ASIC2: variants seen among roughly 807,000 people sequenced by gnomAD.
The protein encoded by ASIC2 is acid-sensing ion channel 2.
In ASIC2, 25 loss-of-function variants were observed where a neutral mutation model predicts 57.3. The ratio of observed to expected loss-of-function variants is 0.44; its 90% CI spans 0.32 to 0.61. The LOEUF (loss-of-function observed/expected upper bound fraction) is 0.61. Among genes scored for constraint, ASIC2 ranks in the 20% least tolerant of loss-of-function variants. ASIC2 has a pLI of 0.06. For missense variants in ASIC2, 641 were observed against 738.1 expected (o/e 0.87, Z 1.52); for synonymous variants, 319 against 307.5 (o/e 1.04, Z -0.39).
chr17:33,393,712 C>T (rs967244786), intron 1 of ASIC2, among the ~76,000 whole-genome samples: 4 of 152,106 alleles, frequency 2.6e-5, no homozygotes, highest in African/African-American at 9.7e-5. Context: ...TTATGGCATC[C>T]TAAGATTCAG....
chr17:34,143,586 AG>A (rs1912331138), intron 1 of ASIC2, among the ~76,000 whole-genome samples: 1 of 152,176 alleles, frequency 6.6e-6, no homozygotes, highest in South Asian at 2.1e-4. Flanking sequence ...ATGCAGCACA[AG>A]GCTCTCAGCA....
At chr17:34,038,974 G>C in intron 1 of ASIC2, 1 of 1,614,072 alleles carries the variant, frequency 6.2e-7, no homozygotes, top group Non-Finnish European at 8.5e-7. Context: ...GTCGGACGTA[G>C]TAAAGTAGCC....
intron 1 of ASIC2, among the ~76,000 whole-genome samples, chr17:33,247,569 G>A (rs2142127569): frequency 6.6e-6 from 1 of 152,326 alleles, no homozygotes; most frequent in Admixed American, 6.5e-5. Context: ...CAGAGACAAT[G>A]GACAAAGAGA....
chr17:33,815,544 C>T (rs1456534770), intron 1 of ASIC2, among the ~76,000 whole-genome samples: 1 of 152,176 alleles, frequency 6.6e-6, no homozygotes, highest in Non-Finnish European at 1.5e-5. Context: ...ATTCCTCTTA[C>T]CAAACTGACA....
chr17:33,666,301 G>A (rs969813980), intron 1 of ASIC2, among the ~76,000 whole-genome samples: 7 of 152,138 alleles, frequency 4.6e-5, no homozygotes, highest in Non-Finnish European at 7.4e-5. Flanking sequence ...TGGCAGAAAA[G>A]GAAACGTTAA....
intron 1 of ASIC2, among the ~76,000 whole-genome samples, chr17:33,429,296 A>T (rs1911322578): frequency 6.6e-6 from 1 of 152,200 alleles, no homozygotes; most frequent in Non-Finnish European, 1.5e-5. Flanking sequence ...AAGAGATAAG[A>T]TAAGACTATG....
chr17:33,240,405 A>T (rs1425026181), intron 1 of ASIC2, among the ~76,000 whole-genome samples: 1 of 152,154 alleles, frequency 6.6e-6, no homozygotes, highest in Non-Finnish European at 1.5e-5. Flanking sequence ...CAGACCCTCC[A>T]GCCAGTGGCT....
intron 1 of ASIC2, among the ~76,000 whole-genome samples, chr17:33,556,722 T>G (rs562713881): frequency 7.2e-5 from 11 of 152,306 alleles, no homozygotes; most frequent in Admixed American, 2.6e-4. Context: ...TGGAGGTATA[T>G]GTATTAGTGT....
At chr17:33,152,486 A>G (rs1039539623) in intron 1 of ASIC2, among the ~76,000 whole-genome samples, 1 of 152,234 alleles carries the variant, frequency 6.6e-6, no homozygotes, top group Non-Finnish European at 1.5e-5. Flanking sequence ...CAGCAAAACA[A>G]AGCAACAGGA....
chr17:34,039,487 T>C (rs910723039), intron 1 of ASIC2: 37 of 1,613,704 alleles, frequency 2.3e-5, no homozygotes, highest in Admixed American at 8.3e-5. Flanking sequence ...ATCTAAACCA[T>C]AGAGGGGCTG....
At chr17:33,751,176 C>T (rs1327885876) in intron 1 of ASIC2, among the ~76,000 whole-genome samples, 1 of 152,126 alleles carries the variant, frequency 6.6e-6, no homozygotes, top group East Asian at 1.9e-4. Flanking sequence ...GGGCTGCAGT[C>T]GGGATTGTGT....
intron 1 of ASIC2, among the ~76,000 whole-genome samples, chr17:33,208,017 C>G (rs1171680482): frequency 6.6e-6 from 1 of 152,174 alleles, no homozygotes; most frequent in Non-Finnish European, 1.5e-5. Flanking sequence ...GAGTCTGCTT[C>G]TAGAGGAGCC....
At chr17:33,113,006 A>T (rs1405755452) in intron 1 of ASIC2, among the ~76,000 whole-genome samples, 1 of 152,130 alleles carries the variant, frequency 6.6e-6, no homozygotes, top group Admixed American at 6.5e-5. Context: ...CATCCACTGG[A>T]AGGTAGACTC....
rs562593178 is a variant in ASIC2, at chr17:33,704,160, A to G, written c.555+451818T>C. ...CCATACAGTCAACACAATAAGCCTC[A>G]GCATTAGCATTGTAATTGGACTTTC... On this transcript the variant is annotated intron_variant, in intron 1 of 9. Transcript: ENST00000359872. Among the ~76,000 whole-genome samples, 51 of 152,342 alleles carry G rather than the reference A, an allele frequency of 3.3e-4. No individual in the cohort carries two copies. In the South Asian group the frequency reaches 5.4e-3, roughly 16 times the overall value.
chr17:33,836,679 G>A (rs928979647), intron 1 of ASIC2, among the ~76,000 whole-genome samples: 3 of 151,784 alleles, frequency 2.0e-5, no homozygotes, highest in Non-Finnish European at 4.4e-5. Flanking sequence ...ATGGTGAAAC[G>A]CTGTCTCTAC....
intron 1 of ASIC2, among the ~76,000 whole-genome samples, chr17:33,219,804 C>T (rs750423157): frequency 5.3e-5 from 8 of 152,146 alleles, no homozygotes; most frequent in Admixed American, 1.3e-4. Flanking sequence ...TAGAGAAAAT[C>T]GTTGGCTCTG....
intron 1 of ASIC2, among the ~76,000 whole-genome samples, chr17:33,345,787 C>T (rs189745761): frequency 1.4e-4 from 21 of 152,204 alleles, no homozygotes; most frequent in Admixed American, 9.2e-4. Context: ...TGATCTGACA[C>T]GTCTTTAAAA....
intron 1 of ASIC2, among the ~76,000 whole-genome samples, chr17:34,034,881 G>A: frequency 6.6e-6 from 1 of 152,010 alleles, no homozygotes; most frequent in Middle Eastern, 3.2e-3. Flanking sequence ...ACAAATGGAA[G>A]AACATTCCAT....
chr17:33,104,770 A>T (rs1359620438), intron 2 of ASIC2, among the ~76,000 whole-genome samples: 1 of 152,208 alleles, frequency 6.6e-6, no homozygotes. Flanking sequence ...CACATTGTGA[A>T]CATTAAAGGA....
Sources: allele counts gnomAD v4.1 joint callset (sites outside exome capture counted in the v4.1 genomes callset), GRCh38; gene constraint gnomAD v4.1.1; transcripts MANE v1.5; gene names NCBI Gene and HGNC (gene_info 2026-07-23, HGNC 2026-07-21).